The following VPS26B variants were observed in gnomAD, a reference collection of about 807,000 sequenced individuals.
VPS26B encodes the protein vacuolar protein sorting-associated protein 26B.
A neutral mutation model predicts 33.3 loss-of-function variants in VPS26B; 10 were observed. That is an observed-to-expected ratio of 0.30 (90% CI 0.19 to 0.51). VPS26B has a LOEUF of 0.51. Ranked by LOEUF, VPS26B falls within the 20% of genes least tolerant of loss-of-function variation. The pLI is 0.98. For missense variants in VPS26B, 317 were observed against 452.7 expected (o/e 0.70, Z 2.72); for synonymous variants, 190 against 176.9 (o/e 1.07, Z -0.59).
chr11:134,243,404 C>T (rs1290998004), intron 4 of VPS26B, 110 bp downstream of exon 4: 3 of 1,286,268 alleles, frequency 2.3e-6, no homozygotes, highest in African/African-American at 3.0e-5. Flanking sequence ...GTCCTCTTAA[C>T]CTGTAACTTC....
chr11:134,237,927 G>T (rs945244258), intron 2 of VPS26B, among the ~76,000 whole-genome samples: 2 of 152,188 alleles, frequency 1.3e-5, no homozygotes, highest in African/African-American at 4.8e-5. Flanking sequence ...GGTCAAGAGG[G>T]TAAGGCCTGG....
chr11:134,239,602 TA>T, intron 2 of VPS26B: 1 of 207,016 alleles, frequency 4.8e-6, no homozygotes, highest in Non-Finnish European at 1.0e-5. Flanking sequence ...AGCCAGGAGT[TA>T]GCTGATGAAA....
intron 1 of VPS26B, among the ~76,000 whole-genome samples, chr11:134,232,361 C>G (rs1285755661): frequency 6.6e-6 from 1 of 152,222 alleles, no homozygotes; most frequent in Non-Finnish European, 1.5e-5. Flanking sequence ...GTGTCTGCCC[C>G]TTTGCCCCAC....
At chr11:134,239,881 G>A in intron 2 of VPS26B, 110 bp from the exon 3 acceptor site, 4 of 1,229,414 alleles carry the variant, frequency 3.3e-6, no homozygotes, top group Non-Finnish European at 4.7e-6. Context: ...AGCCCTCAAG[G>A]GTTAAGAACC....
At position 134,245,308 on chromosome 11, in the gene VPS26B, A is replaced by G; in HGVS notation, c.865-136A>G. ...ACACCAGGGACAGGGAGGTGCTGGC[A>G]GCTGCTGCCTTTGGTGAGAGAGAAG... is the stretch of plus-strand genomic sequence containing the variant. On this transcript the variant is annotated intron_variant, in intron 5 of 5. Transcript: ENST00000281187. This position sits in a 1 kb window ranked among gnomAD's most constrained non-coding sequence, Gnocchi z 4.7. 1 of 1,376,962 alleles carries G rather than the reference A, an allele frequency of 7.3e-7. No individual in the cohort carries two copies. The highest frequency in any genetic ancestry group is 9.9e-7 in the Non-Finnish European group (1 of 1,013,570). 85.3% of individuals were successfully genotyped at this position (1,376,962 alleles called of 1,614,324 possible).
chr11:134,235,994 ACTT>A (rs1938626727), intron 2 of VPS26B, among the ~76,000 whole-genome samples: 1 of 152,064 alleles, frequency 6.6e-6, no homozygotes, highest in Non-Finnish European at 1.5e-5. Context: ...AAGACCTTTA[ACTT>A]CTTTTCTTTC....
intron 3 of VPS26B, 80 bp from the exon 4 acceptor site, chr11:134,243,039 C>T (rs1162036290): frequency 1.3e-5 from 19 of 1,438,460 alleles, no homozygotes; most frequent in East Asian, 4.6e-5. Flanking sequence ...CACGCTTGGC[C>T]GTGGCGTGTG....
At chr11:134,239,931 A>G (rs749169670) in intron 2 of VPS26B, 60 bp from the exon 3 acceptor site, 1 of 1,604,870 alleles carries the variant, frequency 6.2e-7, no homozygotes, top group South Asian at 1.1e-5. Context: ...TTTGGTACCT[A>G]TATCTAGGTA....
chr11:134,241,580 A>G (rs551474193), intron 3 of VPS26B, among the ~76,000 whole-genome samples: 1 of 152,348 alleles, frequency 6.6e-6, no homozygotes, highest in East Asian at 1.9e-4. Flanking sequence ...AGCCATCCAG[A>G]GTGCCTACCC....
At position 134,243,077 on chromosome 11, in the gene VPS26B, C is replaced by A. The variant is rs1938758405; in HGVS notation, c.546-42C>A. The A allele has an allele frequency of 2.5e-6, 4 of 1,604,966 alleles. No individual in the cohort carries two copies. The African/African-American group carries it at 4.0e-5, about 16-fold the overall frequency. ...CTCTACTGAAACAGAAAGGTCTGGC[C>A]ACAGTACCAACATCTTACTTTCTGT... On this transcript the variant is annotated intron_variant, in intron 3 of 5. Transcript: ENST00000281187.
intron 1 of VPS26B, among the ~76,000 whole-genome samples, chr11:134,227,483 G>A (rs574189076): frequency 4.5e-4 from 68 of 152,298 alleles, no homozygotes; most frequent in African/African-American, 1.6e-3. Flanking sequence ...TCTAGGAACC[G>A]TGTCAAGGCC....
intron 1 of VPS26B, among the ~76,000 whole-genome samples, chr11:134,231,369 C>G (rs1023713599): frequency 6.6e-6 from 1 of 152,144 alleles, no homozygotes; most frequent in Non-Finnish European, 1.5e-5. Context: ...TGGATTGATT[C>G]TGGCCTACTT....
intron 4 of VPS26B, chr11:134,243,533 A>G (rs992073310): frequency 2.2e-5 from 12 of 539,340 alleles, no homozygotes; most frequent in Admixed American, 1.3e-4. Context: ...CTTGGATTAT[A>G]TATCGGGCTT....
Position 134,235,244 on chromosome 11 carries a change from G to A in VPS26B, c.380+191G>A. On this transcript the variant is annotated intron_variant, in intron 2 of 5. Transcript: ENST00000281187. ...AAAGTGGCCCTAGGTTGTAGCATGTGTCAATTTCTGTAGTGTACATAGCCC... is the reference window on the plus strand; with the variant it reads ...AAAGTGGCCCTAGGTTGTAGCATGTATCAATTTCTGTAGTGTACATAGCCC... The A allele has an allele frequency of 6.4e-6, 4 of 627,294 alleles. No individual in the cohort carries two copies. The South Asian group carries it at 8.5e-5, about 13-fold the overall frequency. The allele number at this position is 627,294 out of a possible 1,614,324, so 38.9% of individuals were successfully genotyped here. A position where few individuals can be genotyped will look rare whatever the true frequency, so the allele number is the denominator to read the frequency against.
rs1938695903 is a variant in VPS26B, at chr11:134,240,224, G to C, written c.545+69G>C. On this transcript the variant is annotated intron_variant, in intron 3 of 5. Coordinates refer to ENST00000281187, the MANE Select transcript of VPS26B (RefSeq NM_052875.5). This position sits in a 1 kb window ranked among gnomAD's most constrained non-coding sequence, Gnocchi z 4.4. ...GGTTAAGATGGGACTTGATGCAGAT[G>C]CAAACTGATGACCCTCTGTGACTCG... is the stretch of plus-strand genomic sequence containing the variant. The C allele has an allele frequency of 6.5e-7, 1 of 1,540,640 alleles. No individual in the cohort carries two copies.
Position 134,247,211 on chromosome 11 carries a change from AC to A in VPS26B, c.*1622del, listed in dbSNP as rs2136056029. Reference sequence around the variant, plus strand: ...TGTGTCCTGTGTTCAGGTGCGACACACAATCCTCATGGGAACAGGATCACCC... The same window carrying A: ...TGTGTCCTGTGTTCAGGTGCGACACAAATCCTCATGGGAACAGGATCACCC... On this transcript the variant is annotated 3_prime_UTR_variant, in exon 6 of 6. Coordinates refer to ENST00000281187, the MANE Select transcript of VPS26B (RefSeq NM_052875.5). The A allele has an allele frequency of 6.6e-6, 1 of 152,330 alleles. No homozygotes were observed. Among genetic ancestry groups the A allele is most frequent in the Admixed American group, 6.5e-5 (1 of 15,300 alleles). 9.4% of individuals were successfully genotyped at this position (152,330 alleles called of 1,614,324 possible).
At chr11:134,234,274 T>C (rs1024224337) in intron 1 of VPS26B, among the ~76,000 whole-genome samples, 4 of 152,254 alleles carry the variant, frequency 2.6e-5, no homozygotes, top group African/African-American at 9.6e-5. Flanking sequence ...GATACTGTTC[T>C]AAGTCTTTTA....
At position 134,228,033 on chromosome 11, in the gene VPS26B, A is replaced by G. The variant is rs372587986; in HGVS notation, c.223+2688A>G. On this transcript the variant is annotated intron_variant, in intron 1 of 5. Transcript: ENST00000281187. ...GCCAGTCCCAGCTTTGTGCTGAAGT[A>G]TATTGTTCACGCTCAATTATCCATG... Among the ~76,000 whole-genome samples, 11 of 152,378 alleles carry G rather than the reference A, an allele frequency of 7.2e-5. No individual in the cohort carries two copies. The East Asian group carries it at 1.5e-3, about 21-fold the overall frequency.
chr11:134,238,887 G>C (rs867268883), intron 2 of VPS26B, among the ~76,000 whole-genome samples: 6 of 152,174 alleles, frequency 3.9e-5, no homozygotes, highest in Non-Finnish European at 7.3e-5. Context: ...GAACCACCGC[G>C]CCTGGCCATA....
Sources: gnomAD v4.1 joint callset for allele counts (sites outside exome capture counted in the v4.1 genomes callset) on GRCh38, gnomAD v4.1.1 for gene constraint, Gnocchi (gnomAD v3.1) non-coding constraint, MANE v1.5 for transcripts, NCBI Gene and HGNC (gene_info 2026-07-23, HGNC 2026-07-21) for gene names.